Variants in CSE1L observed in about 807,000 individuals in gnomAD.
CSE1L encodes the protein exportin-2.
CSE1L carries 24 observed loss-of-function variants against 120.4 expected under a neutral mutation model. The observed-to-expected ratio is 0.20, with a 90% CI of 0.14 to 0.28. The LOEUF is 0.28. CSE1L is among the 10% of genes least tolerant of loss of function. The pLI is 1.00. For missense variants in CSE1L, 830 were observed against 1,145.2 expected (o/e 0.72, Z 3.97); for synonymous variants, 402 against 398.3 (o/e 1.01, Z -0.11).
rs563810444 is a variant in CSE1L at position 49,078,630 on chromosome 20, G to A, written c.1482+8G>A. 12 of 1,539,580 alleles carry A rather than the reference G, an allele frequency of 7.8e-6. No individual in the cohort carries two copies. The highest frequency in any genetic ancestry group is 3.4e-4 in the Middle Eastern group (2 of 5,824). On this transcript the variant is annotated splice_region_variant and intron_variant, in intron 14 of 24. Coordinates refer to ENST00000262982, the MANE Select transcript of CSE1L (RefSeq NM_001316.4). ...ATGATTTTTAGAAATCAAGTAAGTA[G>A]CTTTTTATTTGTTACACGCCACTTA... is the stretch of plus-strand genomic sequence containing the variant.
Position 49,058,449 on chromosome 20 carries a change from T to G in CSE1L, c.-11-4T>G. 1 of 1,592,168 alleles carries G rather than the reference T, an allele frequency of 6.3e-7. No homozygotes were observed. Among genetic ancestry groups the G allele is most frequent in the Non-Finnish European group, 8.6e-7 (1 of 1,166,550 alleles). On this transcript the variant is annotated splice_polypyrimidine_tract_variant and splice_region_variant and intron_variant, in intron 1 of 24. Coordinates refer to ENST00000262982, the MANE Select transcript of CSE1L (RefSeq NM_001316.4). ...AGTTATCCAAACCTTATTTTATATTTTAGATCCTATAGCAATGGAACTCAG... is the reference window on the plus strand; with the variant it reads ...AGTTATCCAAACCTTATTTTATATTGTAGATCCTATAGCAATGGAACTCAG...
intron 23 of CSE1L, among the ~76,000 whole-genome samples, 179 bp downstream of exon 23, chr20:49,094,465 GCTT>G (rs2092125029): frequency 6.6e-6 from 1 of 152,104 alleles, no homozygotes; most frequent in Non-Finnish European, 1.5e-5. Flanking sequence ...CTTGTTTCCT[GCTT>G]CTTTTTCAGG....
At chr20:49,087,785 C>G (rs2145749708) in intron 16 of CSE1L, among the ~76,000 whole-genome samples, 1 of 152,196 alleles carries the variant, frequency 6.6e-6, no homozygotes, top group Admixed American at 6.5e-5. Flanking sequence ...CTTGAGCCTT[C>G]TAGAAATACT....
chr20:49,070,982 A>G (rs973082417), intron 8 of CSE1L, among the ~76,000 whole-genome samples: 4 of 152,172 alleles, frequency 2.6e-5, no homozygotes, highest in African/African-American at 7.2e-5. Flanking sequence ...AAAGAGAGAA[A>G]ATGGTAAAAG....
At position 49,075,480 on chromosome 20, in the gene CSE1L, A is replaced by G. The variant is rs1015176928; in HGVS notation, c.1295A>G (p.Tyr432Cys). 2 of 1,614,154 alleles carry G rather than the reference A, an allele frequency of 1.2e-6. No individual in the cohort carries two copies. Among genetic ancestry groups the G allele is most frequent in the Admixed American group, 1.7e-5 (1 of 60,012 alleles). ...VNWKHKDAAI[Y>C]LVTSLASKAQ... ...TGGAAACACAAAGATGCAGCCATCT[A>G]CCTAGTGACATCTTTGGCATCAAAA... The change falls in exon 12 of 25, where the codon TAC becomes TGC. Residue 432 changes from tyrosine to cysteine, a missense_variant. Tyr to Cys is a radical substitution (Grantham distance 194). Transcript: ENST00000262982.
chr20:49,072,624 G>A lies in CSE1L; in HGVS notation c.993G>A (p.Lys331=). The change falls in exon 10 of 25, where the codon AAG becomes AAA. Residue 331 remains lysine (K), a synonymous_variant. Coordinates refer to ENST00000262982, the MANE Select transcript of CSE1L (RefSeq NM_001316.4). ...CAGTTTGTGAGAGACCTCATTATAAGAATCTATTTGAGGACCAGAACACGC... is the reference window on the plus strand; with the variant it reads ...CAGTTTGTGAGAGACCTCATTATAAAAATCTATTTGAGGACCAGAACACGC... ...LASVCERPHY[K]NLFEDQNTLT... is the part of the protein sequence containing the mutation. The A allele has an allele frequency of 6.2e-7, 1 of 1,613,842 alleles. No individual in the cohort carries two copies. The highest frequency in any genetic ancestry group is 8.5e-7 in the Non-Finnish European group (1 of 1,179,886).
intron 1 of CSE1L, among the ~76,000 whole-genome samples, chr20:49,047,684 C>G (rs2091730455): frequency 6.9e-6 from 1 of 145,810 alleles, no homozygotes; most frequent in African/African-American, 2.5e-5. Flanking sequence ...TCAAGCGATT[C>G]TCCTGCCTCA....
At chr20:49,079,330 G>A (rs943445423) in intron 14 of CSE1L, among the ~76,000 whole-genome samples, 1 of 152,076 alleles carries the variant, frequency 6.6e-6, no homozygotes, top group Admixed American at 6.6e-5. Context: ...GGGTTCAAGT[G>A]ATTCTCCTGC....
At chr20:49,072,253 G>A in intron 8 of CSE1L, 33 bp from the exon 9 acceptor site, 1 of 1,608,234 alleles carries the variant, frequency 6.2e-7, no homozygotes, top group South Asian at 1.1e-5. Flanking sequence ...CATTAGAGTT[G>A]TATGTTGGAG....
chr20:49,070,029 A>C (rs780523021), intron 7 of CSE1L, among the ~76,000 whole-genome samples, 176 bp from the exon 8 acceptor site: 3 of 152,258 alleles, frequency 2.0e-5, no homozygotes, highest in Non-Finnish European at 2.9e-5. Flanking sequence ...GGCAGAAGTC[A>C]GAATGCTTTA....
intron 1 of CSE1L, among the ~76,000 whole-genome samples, chr20:49,048,079 A>G (rs1055280946): frequency 2.7e-5 from 4 of 150,154 alleles, no homozygotes; most frequent in African/African-American, 4.9e-5. Context: ...GATTCCACCA[A>G]TTGCTCTTTT....
In CSE1L at chr20:49,067,298, G is replaced by C; in HGVS notation, c.567+18G>C. The C allele has an allele frequency of 6.7e-7, 1 of 1,492,450 alleles. No individual in the cohort carries two copies. Among genetic ancestry groups the C allele is most frequent in the Non-Finnish European group, 9.3e-7 (1 of 1,079,736 alleles). The allele number at this position is 1,492,450 out of a possible 1,614,324, so 92.5% of individuals were successfully genotyped here. A position where few individuals can be genotyped will look rare whatever the true frequency, so the allele number is the denominator to read the frequency against. On this transcript the variant is annotated intron_variant, in intron 6 of 24. Transcript: ENST00000262982. ...TTTTTAAGGTATGGAATGCATCTTG[G>C]TGATATTTTTAAATTAATATTTTAA...
At chr20:49,057,654 G>A (rs1011735862) in intron 1 of CSE1L, among the ~76,000 whole-genome samples, 2 of 151,634 alleles carry the variant, frequency 1.3e-5, no homozygotes, top group African/African-American at 2.4e-5. Context: ...GTTTTGAGAC[G>A]GAGTTTTGCT....
intron 23 of CSE1L, 93 bp from the exon 24 acceptor site, chr20:49,094,639 G>C: frequency 1.2e-6 from 1 of 813,930 alleles, no homozygotes; most frequent in Non-Finnish European, 2.0e-6. Context: ...TTGAGACTAT[G>C]AGTCTGTAAT....
chr20:49,070,443 T>C, intron 8 of CSE1L, 146 bp downstream of exon 8: 1 of 543,670 alleles, frequency 1.8e-6, no homozygotes, highest in South Asian at 2.2e-5. Context: ...ATGTTACATG[T>C]TTGGTGTGTG....
chr20:49,090,065 C>T (rs1194290983), intron 19 of CSE1L, among the ~76,000 whole-genome samples: 1 of 151,942 alleles, frequency 6.6e-6, no homozygotes, highest in Non-Finnish European at 1.5e-5. Context: ...TTTAAGGCTG[C>T]AGTGAGCCAT....
chr20:49,076,473 A>C (rs1037713173), intron 12 of CSE1L, among the ~76,000 whole-genome samples: 1 of 135,360 alleles, frequency 7.4e-6, no homozygotes. Context: ...AGCATGAGCC[A>C]CCATGCCTAG....
In CSE1L at chr20:49,086,706, C is replaced by CTTCATTACTGTGTT. The variant is rs561424525; in HGVS notation, c.1724-1300_1724-1287dup. On this transcript the variant is annotated intron_variant, in intron 16 of 24. Transcript: ENST00000262982. ...TGAGAGCGGCTAACTAGTCTGTAATCTTCATTACTGTGTTTTTAGGGTATG... is the reference window on the plus strand; with the variant it reads ...TGAGAGCGGCTAACTAGTCTGTAATCTTCATTACTGTGTTTTCATTACTGTGTTTTTAGGGTATG... Among the ~76,000 whole-genome samples the CTTCATTACTGTGTT allele has an allele frequency of 2.0e-4, 31 of 152,234 alleles. No individual in the cohort carries two copies. The East Asian group carries it at 6.0e-3, about 29-fold the overall frequency.
At chr20:49,079,822 G>A (rs1256574243) in intron 14 of CSE1L, among the ~76,000 whole-genome samples, 1 of 152,138 alleles carries the variant, frequency 6.6e-6, no homozygotes, top group Non-Finnish European at 1.5e-5. Flanking sequence ...GCTTGTGCCT[G>A]TAATCCCAAC....
Sources: gnomAD v4.1 joint callset for allele counts (sites outside exome capture counted in the v4.1 genomes callset) on GRCh38, gnomAD v4.1.1 for gene constraint, MANE v1.5 for transcripts, NCBI Gene and HGNC (gene_info 2026-07-23, HGNC 2026-07-21) for gene names.